Variants in REV3L observed in about 807,000 individuals in gnomAD.
REV3L encodes the protein REV3 like, DNA directed polymerase zeta catalytic subunit.
In REV3L, 69 loss-of-function variants were observed where a neutral mutation model predicts 299.4. The observed-to-expected ratio is 0.23, with a 90% confidence interval of 0.19 to 0.28. REV3L has a LOEUF of 0.28. Ranked by LOEUF, REV3L falls within the 10% of genes least tolerant of loss-of-function variation. The pLI, the probability that REV3L is intolerant of heterozygous loss-of-function variation, is 1.00. For missense variants in REV3L, 3,128 were observed against 3,693.8 expected, an observed-to-expected ratio of 0.85 and a Z score of 3.97; for synonymous variants, 1,238 against 1,271.4, an observed-to-expected ratio of 0.97 and a Z score of 0.56.
At chr6:111,317,573 C>T (rs187226317) in intron 26 of REV3L, among the ~76,000 whole-genome samples, 24 of 152,218 alleles carry the variant, frequency 1.6e-4, no homozygotes, top group African/African-American at 5.5e-4. Context: ...TGCGCCTCAA[C>T]CTCCTTGTAC....
At chr6:111,457,404 A>T (rs1790275003) in intron 1 of REV3L, among the ~76,000 whole-genome samples, 1 of 152,022 alleles carries the variant, frequency 6.6e-6, no homozygotes, top group Non-Finnish European at 1.5e-5. Context: ...ACATTTTATC[A>T]TCACAACAAT....
intron 1 of REV3L, among the ~76,000 whole-genome samples, chr6:111,419,144 C>G (rs1017692752): frequency 1.3e-5 from 2 of 152,176 alleles, no homozygotes; most frequent in African/African-American, 4.8e-5. Context: ...ACAGACGTAC[C>G]TCTCTCTCCA....
At chr6:111,306,351 A>C (rs1460902159) in intron 31 of REV3L, among the ~76,000 whole-genome samples, 4 of 152,126 alleles carry the variant, frequency 2.6e-5, no homozygotes, top group African/African-American at 9.7e-5. Context: ...GAAGTTCAAT[A>C]TGGTATGGGT....
At chr6:111,442,709 T>C (rs1788412885) in intron 1 of REV3L, among the ~76,000 whole-genome samples, 1 of 152,232 alleles carries the variant, frequency 6.6e-6, no homozygotes, top group Non-Finnish European at 1.5e-5. Context: ...TGCTCTCTTT[T>C]GGCCTGAAAA....
chr6:111,375,106 A>G lies in REV3L; in HGVS notation c.3249T>C (p.Ala1083=), dbSNP rs1157122910. 1 of 1,612,536 alleles carries G rather than the reference A, an allele frequency of 6.2e-7. No homozygotes were observed. Among genetic ancestry groups the G allele is most frequent in the Non-Finnish European group, 8.5e-7 (1 of 1,179,544 alleles). Residue 1083 remains alanine (A), a synonymous_variant, in exon 13 of 32, where the codon GCT becomes GCC. Transcript: ENST00000368802. ...AAGATGGTGAGGGAGGAGAAAGAAT[A>G]GCATGTGACCGTTTTTTCCTGAAAG... ...TLSFRKKRSH[A]ILSPPSPSYN... is the part of the protein sequence containing the mutation.
intron 31 of REV3L, among the ~76,000 whole-genome samples, chr6:111,304,330 G>A (rs1181622929): frequency 6.7e-6 from 1 of 149,390 alleles, no homozygotes; most frequent in Admixed American, 6.7e-5. Flanking sequence ...GGGTTACAGA[G>A]TTTGATATAT....
At chr6:111,304,942 CTTT>C (rs748453480) in intron 31 of REV3L, among the ~76,000 whole-genome samples, 9 of 136,324 alleles carry the variant, frequency 6.6e-5, no homozygotes, top group Non-Finnish European at 6.4e-5. Flanking sequence ...GTTCTTTGTT[CTTT>C]TTTTTTTTTT....
rs1236816118 is a variant in REV3L, at chr6:111,422,647, T to TAC, written c.140-6177_140-6176dup. On this transcript the variant is annotated intron_variant, in intron 1 of 31. Transcript: ENST00000368802. ...ATATATATACACATATATATATATA[T>TAC]ACATATATATATATACATATATATA... Among the ~76,000 whole-genome samples, 33 of 20,316 alleles carry TAC rather than the reference T, an allele frequency of 1.6e-3. 2 individuals carry two copies. The highest frequency in any genetic ancestry group is 5.1e-3 in the Non-Finnish European group (24 of 4,722). 13.3% of individuals were successfully genotyped at this position (20,316 alleles called of 152,430 possible).
At chr6:111,482,237 G>C (rs1210575633) in intron 1 of REV3L, among the ~76,000 whole-genome samples, 1 of 152,208 alleles carries the variant, frequency 6.6e-6, no homozygotes, top group Non-Finnish European at 1.5e-5. Context: ...TGCATCTCCG[G>C]AACTGGCAGA....
chr6:111,315,166 C>T, intron 27 of REV3L, 101 bp downstream of exon 27: 1 of 977,888 alleles, frequency 1.0e-6, no homozygotes, highest in Non-Finnish European at 1.5e-6. Context: ...TTTAATAGAC[C>T]CGTATACTGT....
At chr6:111,476,369 C>T (rs367779005) in intron 1 of REV3L, among the ~76,000 whole-genome samples, 1 of 152,120 alleles carries the variant, frequency 6.6e-6, no homozygotes, top group East Asian at 1.9e-4. Context: ...GTTGCCCAGG[C>T]TGGTCTTGAA....
chr6:111,307,554 C>G lies in REV3L; in HGVS notation c.9059G>C (p.Ser3020Thr). ...CCCTTCAGGTTCACTTCGCGAGGAG[C>G]TGGTAGCTTTATGGATCTATAAAAA... is the stretch of plus-strand genomic sequence containing the variant. ...HELPRIHKAT[S>T]SSRSEPEGRK... Residue 3020 changes from serine to threonine, a missense_variant, in exon 31 of 32, where the codon AGC (serine) becomes ACC (threonine). Around this residue, in one of 9 missense-constraint regions of REV3L, gnomAD observed 294 missense variants for 377.0 expected, o/e 0.78. Coordinates refer to ENST00000368802, the MANE Select transcript of REV3L (RefSeq NM_001372078.1). 1.9e-6 allele frequency: 3 copies of G among 1,614,176 alleles called. No individual in the cohort carries two copies. Among genetic ancestry groups the G allele is most frequent in the South Asian group, 2.2e-5 (2 of 91,082 alleles).
intron 25 of REV3L, among the ~76,000 whole-genome samples, chr6:111,325,113 G>A (rs1470389044): frequency 6.6e-6 from 1 of 152,216 alleles, no homozygotes; most frequent in Middle Eastern, 3.4e-3. Context: ...CACCCGCCTT[G>A]GCCTCCCAAA....
At chr6:111,420,851 T>C (rs181769282) in intron 1 of REV3L, among the ~76,000 whole-genome samples, 1 of 152,192 alleles carries the variant, frequency 6.6e-6, no homozygotes, top group African/African-American at 2.4e-5. Flanking sequence ...TACTAAACAT[T>C]AAGTCCTTGG....
chr6:111,351,700 A>T lies in REV3L; in HGVS notation c.7276T>A (p.Cys2426Ser). ...CCTGGCACCCGAGAGATCATCCGAC[A>T]TAAGTCAATACTTAAAGCGGCAGCC... ...QRAAALSIDLCRMISRVPDDK... is the reference protein window; with the variant it reads ...QRAAALSIDLSRMISRVPDDK... The change falls in exon 19 of 32, where the codon TGT (cysteine) becomes AGT (serine). Residue 2426 changes from cysteine (C) to serine (S), a missense_variant. This residue lies in a region of REV3L where 50 missense variants were observed against 48.2 expected (regional missense o/e 1.04). Transcript: ENST00000368802. 2 of 1,613,616 alleles carry T rather than the reference A, an allele frequency of 1.2e-6. No homozygotes were observed. The highest frequency in any genetic ancestry group is 1.7e-6 in the Non-Finnish European group (2 of 1,179,692).
At chr6:111,395,853 G>T (rs1782444371) in intron 4 of REV3L, among the ~76,000 whole-genome samples, 2 of 152,116 alleles carry the variant, frequency 1.3e-5, no homozygotes, top group African/African-American at 4.8e-5. Context: ...ATTATTTGAG[G>T]TATGATCCTT....
At chr6:111,467,434 C>A (rs1357227793) in intron 1 of REV3L, among the ~76,000 whole-genome samples, 1 of 152,134 alleles carries the variant, frequency 6.6e-6, no homozygotes, top group African/African-American at 2.4e-5. Context: ...TAATGGCTAG[C>A]CTAATCTAGC....
chr6:111,329,013 T>C (rs1775110941), intron 25 of REV3L, among the ~76,000 whole-genome samples: 1 of 152,328 alleles, frequency 6.6e-6, no homozygotes, highest in African/African-American at 2.4e-5. Context: ...GTAATCCACA[T>C]GCCTTGGCCT....
intron 1 of REV3L, among the ~76,000 whole-genome samples, chr6:111,444,667 A>G (rs1421595853): frequency 1.3e-5 from 2 of 152,226 alleles, no homozygotes; most frequent in African/African-American, 2.4e-5. Context: ...GAAAATTCCT[A>G]CAAACTTCTT....
Sources: gnomAD v4.1 joint callset for allele counts (sites outside exome capture counted in the v4.1 genomes callset) on GRCh38, gnomAD v4.1.1 for gene constraint, gnomAD v4.1.1 regional missense constraint, MANE v1.5 for transcripts, NCBI Gene and HGNC (gene_info 2026-07-23, HGNC 2026-07-21) for gene names.